The following DNM3 variants were observed in gnomAD, a reference collection of about 807,000 sequenced individuals.
The protein encoded by DNM3 is dynamin-3.
Under a neutral mutation model 101.6 loss-of-function variants are expected in DNM3, and 47 were observed. The observed-to-expected ratio is 0.46, with a 90% CI of 0.37 to 0.59. The LOEUF is 0.59. Among genes scored for constraint, DNM3 ranks in the 20% least tolerant of loss-of-function variants. The pLI is 0.00. For synonymous variants in DNM3, 385 were observed against 387.9 expected (o/e 0.99, Z 0.09); for missense variants, 849 against 1,085.7 (o/e 0.78, Z 3.06).
chr1:172,237,838 C>A (rs536624268), intron 14 of DNM3, among the ~76,000 whole-genome samples: 2 of 152,290 alleles, frequency 1.3e-5, no homozygotes, highest in South Asian at 2.1e-4. Flanking sequence ...AGATTATATT[C>A]TTTTAGGAAA....
At chr1:172,406,909 G>T (rs2070934080) in intron 20 of DNM3, among the ~76,000 whole-genome samples, 1 of 150,728 alleles carries the variant, frequency 6.6e-6, no homozygotes, top group Admixed American at 6.6e-5. Context: ...AATTTGGGGG[G>T]GTAAAAAAAT....
chr1:171,986,593 G>T (rs190165486), intron 2 of DNM3, among the ~76,000 whole-genome samples: 1 of 150,814 alleles, frequency 6.6e-6, no homozygotes, highest in African/African-American at 2.4e-5. Flanking sequence ...TGTTTATGAT[G>T]GGTAATGGTA....
intron 13 of DNM3, among the ~76,000 whole-genome samples, chr1:172,109,881 A>G (rs1003351768): frequency 2.0e-5 from 3 of 152,236 alleles, no homozygotes; most frequent in African/African-American, 7.2e-5. Flanking sequence ...TGGGAAGAAT[A>G]TGGGTAATTA....
intron 2 of DNM3, among the ~76,000 whole-genome samples, chr1:171,935,464 G>A (rs761647601): frequency 6.6e-6 from 1 of 152,186 alleles, no homozygotes; most frequent in Non-Finnish European, 1.5e-5. Flanking sequence ...GTTTCAGAGA[G>A]GGACATTTCT....
In DNM3 at chr1:171,994,643, T is replaced by G. The variant is rs74123823; in HGVS notation, c.589+5495T>G. ...TTCTAGGTTGTACATATATACAAAA[T>G]TTTCAATGGCCTTTGTGGCCATCTC... On this transcript the variant is annotated intron_variant, in intron 4 of 20. Coordinates refer to ENST00000627582, the MANE Select transcript of DNM3 (RefSeq NM_015569.5). Among the ~76,000 whole-genome samples, 337 of 152,234 alleles carry G rather than the reference T, an allele frequency of 2.2e-3. 6 individuals carry two copies. The highest frequency in any genetic ancestry group is 7.3e-3 in the African/African-American group (302 of 41,558).
chr1:172,400,809 C>A (rs1338582546), intron 20 of DNM3, among the ~76,000 whole-genome samples: 4 of 152,166 alleles, frequency 2.6e-5, no homozygotes, highest in Non-Finnish European at 5.9e-5. Context: ...CCCTTGATTT[C>A]TCAAACTTCA....
chr1:171,909,207 G>A (rs1466455860), intron 1 of DNM3, among the ~76,000 whole-genome samples: 3 of 152,086 alleles, frequency 2.0e-5, no homozygotes, highest in African/African-American at 7.2e-5. Context: ...TTGGGAGGCC[G>A]AGCTGGGTGG....
chr1:172,317,393 C>A, intron 16 of DNM3, among the ~76,000 whole-genome samples: 1 of 151,782 alleles, frequency 6.6e-6, no homozygotes, highest in African/African-American at 2.4e-5. Context: ...AAAATCAGAG[C>A]AGAACTGAAG....
rs565053689 is a variant in DNM3 at position 171,921,891 on chromosome 1, G to A, written c.235+70G>A. 11 of 1,408,730 alleles carry A rather than the reference G, an allele frequency of 7.8e-6. No individual in the cohort carries two copies. The African/African-American group carries it at 1.1e-4, about 15-fold the overall frequency. 87.3% of individuals were successfully genotyped at this position (1,408,730 alleles called of 1,614,324 possible). On this transcript the variant is annotated intron_variant, in intron 2 of 20. Transcript: ENST00000627582. The stretch of plus-strand genomic sequence containing the variant: ...GCCCCTTTTGCCTTCATAGGTGTGG[G>A]ATTGTACAAATAGAAACGTTTTTGT...
intron 13 of DNM3, among the ~76,000 whole-genome samples, chr1:172,127,630 C>T (rs983166918): frequency 6.6e-6 from 1 of 151,614 alleles, no homozygotes; most frequent in Non-Finnish European, 1.5e-5. Flanking sequence ...AGGATGGTCT[C>T]GATCCCCTGA....
rs77252037 is a variant in DNM3 at position 172,129,294 on chromosome 1, T to C, written c.1546-1881T>C. Among the ~76,000 whole-genome samples the C allele has an allele frequency of 9.8e-3, 1,493 of 152,326 alleles. 23 individuals carry two copies. The highest frequency in any genetic ancestry group is 0.032 in the African/African-American group (1,351 of 41,574). ...CATGCACGGGCTTCAAGCTTCATTG[T>C]GAATAAGAATCACCTTGGCAACATA... On this transcript the variant is annotated intron_variant, in intron 13 of 20. Coordinates refer to ENST00000627582, the MANE Select transcript of DNM3 (RefSeq NM_015569.5).
At chr1:172,164,895 A>G (rs1572792339) in intron 14 of DNM3, among the ~76,000 whole-genome samples, 2 of 152,054 alleles carry the variant, frequency 1.3e-5, no homozygotes, top group Non-Finnish European at 2.9e-5. Context: ...TGGCTGGGCT[A>G]CACTGCAGTT....
chr1:171,867,340 G>T (rs1289680834), intron 1 of DNM3, among the ~76,000 whole-genome samples: 1 of 152,198 alleles, frequency 6.6e-6, no homozygotes, highest in African/African-American at 2.4e-5. Context: ...CTCTGTGATT[G>T]CTTTATTTCA....
intron 4 of DNM3, among the ~76,000 whole-genome samples, chr1:172,013,731 G>A (rs1217208683): frequency 6.6e-6 from 1 of 151,976 alleles, no homozygotes; most frequent in Non-Finnish European, 1.5e-5. Flanking sequence ...TGGAGCTGAT[G>A]GGAATGGGAT....
chr1:171,843,783 A>T (rs1377083244), intron 1 of DNM3, among the ~76,000 whole-genome samples: 5 of 152,164 alleles, frequency 3.3e-5, no homozygotes, highest in African/African-American at 4.8e-5. Flanking sequence ...GAATAATTTG[A>T]AAAAAGAAAT....
intron 14 of DNM3, among the ~76,000 whole-genome samples, chr1:172,190,933 T>A (rs1248246988): frequency 2.0e-5 from 3 of 152,218 alleles, no homozygotes; most frequent in Non-Finnish European, 4.4e-5. Flanking sequence ...GTCAGACAGG[T>A]AGATTGTAAA....
chr1:172,415,310 T>C (rs1418391169), downstream of DNM3: 1 of 152,046 alleles, frequency 6.6e-6, no homozygotes, highest in Non-Finnish European at 1.5e-5. Flanking sequence ...TCTCTGACTC[T>C]CCAAAAAAGG....
In DNM3 at chr1:172,411,799, T is replaced by A. The variant is rs1462826645; in HGVS notation, c.*3958T>A. The stretch of plus-strand genomic sequence containing the variant: ...TATGAGACTTAAGCCATGAGTTTTG[T>A]ATCATTTCAATTAGAAGACTACTAG... On this transcript the variant is annotated 3_prime_UTR_variant, in exon 21 of 21. Coordinates refer to ENST00000627582, the MANE Select transcript of DNM3 (RefSeq NM_015569.5). 3 of 985,600 alleles carry A rather than the reference T, an allele frequency of 3.0e-6. No homozygotes were observed. The African/African-American group carries it at 5.2e-5, about 17-fold the overall frequency. The allele number at this position is 985,600 out of a possible 1,614,324, so 61.1% of individuals were successfully genotyped here.
At chr1:172,006,509 C>G (rs920851836) in intron 4 of DNM3, among the ~76,000 whole-genome samples, 1 of 152,072 alleles carries the variant, frequency 6.6e-6, no homozygotes, top group Admixed American at 6.6e-5. Flanking sequence ...GTAAGCTTCT[C>G]TACTATCTGC....
Sources: gnomAD v4.1 joint callset for allele counts (sites outside exome capture counted in the v4.1 genomes callset) on GRCh38, gnomAD v4.1.1 for gene constraint, MANE v1.5 for transcripts, NCBI Gene and HGNC (gene_info 2026-07-23, HGNC 2026-07-21) for gene names.